TFDP1: variants seen among roughly 807,000 people sequenced by gnomAD.
TFDP1 encodes the protein DRTF1-polypeptide 1.
Under a neutral mutation model 48.0 loss-of-function variants are expected in TFDP1, and 6 were observed. The observed-to-expected ratio is 0.13, with a 90% CI of 0.07 to 0.25. The LOEUF (loss-of-function observed/expected upper bound fraction) is 0.25. TFDP1 is among the 10% of genes least tolerant of loss of function. The pLI is 1.00. For synonymous variants in TFDP1, 201 were observed against 211.6 expected (o/e 0.95, Z 0.44); for missense variants, 335 against 543.0 (o/e 0.62, Z 3.81).
rs1156289661 is a variant in TFDP1, at chr13:113,622,579, T to G, written c.80-601T>G. ...TTTATGTGTAAATGTTCCAGGACTT[T>G]TATCCACCGCCCTGTCCCTAGGACC... On this transcript the variant is annotated intron_variant, in intron 3 of 11. Coordinates refer to ENST00000375370, the MANE Select transcript of TFDP1 (RefSeq NM_007111.5). Among the ~76,000 whole-genome samples, 6 of 152,248 alleles carry G rather than the reference T, an allele frequency of 3.9e-5. No homozygotes were observed. The East Asian group carries it at 1.2e-3, about 29-fold the overall frequency.
intron 2 of TFDP1, among the ~76,000 whole-genome samples, chr13:113,608,620 C>T (rs944370561): frequency 6.6e-6 from 1 of 152,244 alleles, no homozygotes; most frequent in African/African-American, 2.4e-5. Context: ...GCCTTAACCT[C>T]CTGGCTGTAA....
intron 3 of TFDP1, among the ~76,000 whole-genome samples, chr13:113,621,307 A>G (rs2048989068): frequency 6.6e-6 from 1 of 152,044 alleles, no homozygotes; most frequent in African/African-American, 2.4e-5. Flanking sequence ...TTCACCTGAG[A>G]GTATCATGTA....
chr13:113,622,900 C>T (rs1007692510), intron 3 of TFDP1, among the ~76,000 whole-genome samples: 3 of 152,266 alleles, frequency 2.0e-5, no homozygotes, highest in African/African-American at 7.2e-5. Context: ...TCCCCACCAG[C>T]ACGTTCCATA....
At chr13:113,588,977 C>T (rs1167072467) in intron 2 of TFDP1, among the ~76,000 whole-genome samples, 2 of 131,786 alleles carry the variant, frequency 1.5e-5, no homozygotes, top group East Asian at 2.3e-4. Context: ...TGTGGGTGGA[C>T]AGTGAGTGGT....
intron 3 of TFDP1, among the ~76,000 whole-genome samples, chr13:113,616,604 CTT>C (rs1207560229): frequency 6.6e-6 from 1 of 152,184 alleles, no homozygotes; most frequent in Non-Finnish European, 1.5e-5. Context: ...TTTGTTGTGT[CTT>C]TACTTTCCTC....
intron 8 of TFDP1, among the ~76,000 whole-genome samples, chr13:113,634,879 G>A (rs530593954): frequency 5.6e-4 from 82 of 145,788 alleles, no homozygotes; most frequent in African/African-American, 2.2e-3. Flanking sequence ...GCCTGTGTGC[G>A]TGTGCATGTG....
intron 3 of TFDP1, among the ~76,000 whole-genome samples, chr13:113,614,194 T>C (rs1257392673): frequency 6.6e-6 from 1 of 151,692 alleles, no homozygotes; most frequent in Non-Finnish European, 1.5e-5. Context: ...GTTGTATGTG[T>C]GTGTTGTGTG....
chr13:113,625,053 G>GT (rs2049101858), intron 4 of TFDP1, among the ~76,000 whole-genome samples: 1 of 125,068 alleles, frequency 8.0e-6, no homozygotes, highest in African/African-American at 3.2e-5. Context: ...TCTCTCACGT[G>GT]TCCTCAGGTG....
At chr13:113,591,188 A>G (rs1482668986) in intron 2 of TFDP1, among the ~76,000 whole-genome samples, 1 of 151,194 alleles carries the variant, frequency 6.6e-6, no homozygotes, top group Non-Finnish European at 1.5e-5. Flanking sequence ...CTAAACATAC[A>G]GAAATTAGCT....
chr13:113,588,986 GTGA>G (rs1420520290), intron 2 of TFDP1, among the ~76,000 whole-genome samples: 2 of 151,030 alleles, frequency 1.3e-5, no homozygotes, highest in African/African-American at 4.9e-5. Flanking sequence ...ACAGTGAGTG[GTGA>G]TGGTGGTAGA....
At chr13:113,616,869 G>C (rs1299106417) in intron 3 of TFDP1, among the ~76,000 whole-genome samples, 1 of 152,214 alleles carries the variant, frequency 6.6e-6, no homozygotes, top group Non-Finnish European at 1.5e-5. Context: ...AAAACTGTCA[G>C]GAGAGGCCAT....
rs561272450 is a variant in TFDP1 at position 113,616,641 on chromosome 13, C to T, written c.79+5579C>T. ...CCTGCTTCAATCTCATATCTGTCGG[C>T]TTTAGGGTTCTAAGTGGAGGAGGAA... On this transcript the variant is annotated intron_variant, in intron 3 of 11. Coordinates refer to ENST00000375370, the MANE Select transcript of TFDP1 (RefSeq NM_007111.5). Among the ~76,000 whole-genome samples, 16 of 152,316 alleles carry T rather than the reference C, an allele frequency of 1.1e-4. No homozygotes were observed. The East Asian group carries it at 2.9e-3, about 28-fold the overall frequency.
intron 2 of TFDP1, among the ~76,000 whole-genome samples, chr13:113,604,923 A>G (rs2048527847): frequency 6.6e-6 from 1 of 151,932 alleles, no homozygotes; most frequent in African/African-American, 2.4e-5. Flanking sequence ...CCATGTGAGG[A>G]GGTTGTGGTC....
chr13:113,613,855 G>T (rs1352100828), intron 3 of TFDP1, among the ~76,000 whole-genome samples: 2 of 151,716 alleles, frequency 1.3e-5, no homozygotes, highest in Non-Finnish European at 2.9e-5. Flanking sequence ...GTGCATGTGT[G>T]TTGAGTGTGC....
Position 113,635,832 on chromosome 13 carries a change from C to T in TFDP1, c.688-145C>T. ...TCTCCCTGGGCTGCAGAGGTCAGCA[C>T]CCAGCGGCCGGCGCTGGCATTTCAG... On this transcript the variant is annotated intron_variant, in intron 8 of 11. Coordinates refer to ENST00000375370, the MANE Select transcript of TFDP1 (RefSeq NM_007111.5). 3 of 893,112 alleles carry T rather than the reference C, an allele frequency of 3.4e-6. No individual in the cohort carries two copies. In the South Asian group the frequency reaches 5.2e-5, roughly 16 times the overall value. 55.3% of individuals were successfully genotyped at this position (893,112 alleles called of 1,614,324 possible).
Position 113,623,052 on chromosome 13 carries a change from T to G in TFDP1, c.80-128T>G. 7 of 784,712 alleles carry G rather than the reference T, an allele frequency of 8.9e-6. No homozygotes were observed. Among genetic ancestry groups the G allele is most frequent in the Non-Finnish European group, 1.4e-5 (7 of 484,272 alleles). 48.6% of individuals were successfully genotyped at this position (784,712 alleles called of 1,614,324 possible). On this transcript the variant is annotated intron_variant, in intron 3 of 11. Coordinates refer to ENST00000375370, the MANE Select transcript of TFDP1 (RefSeq NM_007111.5). The surrounding 1 kb of genome is among the most constrained non-coding windows in gnomAD (Gnocchi z 5.2). ...AGGTGTTGCTCTTGAGCCCTGGATT[T>G]GAGACAGTACACGTGGGGAAAGCTA...
intron 3 of TFDP1, among the ~76,000 whole-genome samples, chr13:113,613,014 GTTTTT>G (rs1313479018): frequency 3.5e-5 from 4 of 115,582 alleles, no homozygotes; most frequent in Non-Finnish European, 6.9e-5. Context: ...ACAGACGGTG[GTTTTT>G]GTTGTTGTTG....
chr13:113,625,997 T>C (rs978831645), intron 4 of TFDP1, among the ~76,000 whole-genome samples: 8 of 137,932 alleles, frequency 5.8e-5, no homozygotes, highest in South Asian at 2.3e-4. Context: ...GTCTCTCACG[T>C]GTCCTCAGGT....
chr13:113,623,047 GGATTT>G lies in TFDP1; in HGVS notation c.80-130_80-126del. 1.3e-6 allele frequency: 1 copy of G among 766,104 alleles called. No homozygotes were observed. Among genetic ancestry groups the G allele is most frequent in the Non-Finnish European group, 2.1e-6 (1 of 470,246 alleles). The allele number at this position is 766,104 out of a possible 1,614,324, so 47.5% of individuals were successfully genotyped here. A position where few individuals can be genotyped will look rare whatever the true frequency, so the allele number is the denominator to read the frequency against. ...CATGGAGGTGTTGCTCTTGAGCCCT[GGATTT>G]GAGACAGTACACGTGGGGAAAGCTA... On this transcript the variant is annotated intron_variant, in intron 3 of 11. Coordinates refer to ENST00000375370, the MANE Select transcript of TFDP1 (RefSeq NM_007111.5). The surrounding 1 kb of genome is among the most constrained non-coding windows in gnomAD (Gnocchi z 5.2).
Sources: allele counts gnomAD v4.1 joint callset (sites outside exome capture counted in the v4.1 genomes callset), GRCh38; gene constraint gnomAD v4.1.1; non-coding constraint Gnocchi (gnomAD v3.1); transcripts MANE v1.5; gene names NCBI Gene and HGNC (gene_info 2026-07-23, HGNC 2026-07-21).